PPM1F: variants seen among roughly 807,000 people sequenced by gnomAD.
PPM1F encodes protein phosphatase 1F.
PPM1F carries 17 observed loss-of-function variants against 35.5 expected under a neutral mutation model. The ratio of observed to expected loss-of-function variants is 0.48; its 90% CI spans 0.33 to 0.72. The LOEUF (loss-of-function observed/expected upper bound fraction) is 0.72. Among genes scored for constraint, PPM1F ranks in the 30% least tolerant of loss-of-function variants. PPM1F has a pLI of 0.02. For missense variants in PPM1F, 521 were observed against 613.0 expected (o/e 0.85, Z 1.59); for synonymous variants, 241 against 255.5 (o/e 0.94, Z 0.54).
At chr22:21,931,733 G>A (rs905048688) in intron 5 of PPM1F, among the ~76,000 whole-genome samples, 1 of 151,966 alleles carries the variant, frequency 6.6e-6, no homozygotes, top group African/African-American at 2.4e-5. Flanking sequence ...TCCCAGGCTG[G>A]TCTTGAACTC....
intron 1 of PPM1F, chr22:21,948,301 A>ACCCCCCCCCCCCC (rs57323653): frequency 3.4e-5 from 2 of 58,134 alleles, no homozygotes; most frequent in Non-Finnish European, 7.6e-5. Context: ...TGAGATCGCC[A>ACCCCCCCCCCCCC]CCCCCCCCCC....
chr22:21,946,069 C>T lies in PPM1F; in HGVS notation c.-21G>A. ...GACATGCCCAAAGCATCCCGGGGGC[C>T]TGCAGCTAGGCCAGGGCAAGAGGGT... On this transcript the variant is annotated 5_prime_UTR_variant, in exon 2 of 8. Transcript: ENST00000263212. 6.7e-7 allele frequency: 1 copy of T among 1,497,044 alleles called. No homozygotes were observed. The allele number at this position is 1,497,044 out of a possible 1,614,324, so 92.7% of individuals were successfully genotyped here.
At chr22:21,943,257 T>G (rs1465720353) in intron 2 of PPM1F, 1 of 152,192 alleles carries the variant, frequency 6.6e-6, no homozygotes, top group Non-Finnish European at 1.5e-5. Flanking sequence ...TGGGCACATG[T>G]GAGTGCGTGT....
At chr22:21,925,772 G>C in intron 6 of PPM1F, 110 bp from the exon 7 acceptor site, 1 of 808,574 alleles carries the variant, frequency 1.2e-6, no homozygotes, top group Non-Finnish European at 1.9e-6. Context: ...AGCATTCAAA[G>C]CCGCAGCACT....
chr22:21,922,452 G>A lies in PPM1F; in HGVS notation c.*640C>T, dbSNP rs1055844453. 2 of 152,400 alleles carry A rather than the reference G, an allele frequency of 1.3e-5. No homozygotes were observed. Among genetic ancestry groups the A allele is most frequent in the African/African-American group, 4.8e-5 (2 of 41,450 alleles). The allele number at this position is 152,400 out of a possible 1,614,324, so 9.4% of individuals were successfully genotyped here. ...GTGCGTCGCCGGTTCCGGGCTCAGGGAAGAGAGCAGCCCGGAAGGCCCTGG... is the reference window on the plus strand; with the variant it reads ...GTGCGTCGCCGGTTCCGGGCTCAGGAAAGAGAGCAGCCCGGAAGGCCCTGG... On this transcript the variant is annotated 3_prime_UTR_variant, in exon 8 of 8. Coordinates refer to ENST00000263212, the MANE Select transcript of PPM1F (RefSeq NM_014634.4).
At position 21,938,493 on chromosome 22, in the gene PPM1F, T is replaced by G. The variant is rs1000959516; in HGVS notation, c.355+1039A>C. The G allele has an allele frequency of 4.5e-6, 5 of 1,100,084 alleles. No homozygotes were observed. The East Asian group carries it at 2.9e-4, about 63-fold the overall frequency. 68.1% of individuals were successfully genotyped at this position (1,100,084 alleles called of 1,614,324 possible). ...CGGGCACCCACTGATGCTGGCGGCCTCGGGTATTCGCTTTCTCTCTCTTCT... is the reference window on the plus strand; with the variant it reads ...CGGGCACCCACTGATGCTGGCGGCCGCGGGTATTCGCTTTCTCTCTCTTCT... On this transcript the variant is annotated intron_variant, in intron 3 of 7. Transcript: ENST00000263212.
rs750484171 is a variant in PPM1F at position 21,923,240 on chromosome 22, ATGT to A, written c.1214_1216del (p.Asn405del). 1.1e-5 allele frequency: 18 copies of A among 1,613,200 alleles called. No homozygotes were observed. The highest frequency in any genetic ancestry group is 1.4e-5 in the Non-Finnish European group (17 of 1,179,874). ...CCTGAGGAAGACCACCATGACCGTG[ATGT>A]TGTCGTGGGAGCCCCGCTCCCGGGC... On this transcript the variant is annotated inframe_deletion, in exon 8 of 8. Coordinates refer to ENST00000263212, the MANE Select transcript of PPM1F (RefSeq NM_014634.4).
Position 21,933,592 on chromosome 22 carries a change from T to C in PPM1F, c.559-13A>G, listed in dbSNP as rs2027790. 653,465 of 1,597,820 alleles carry C rather than the reference T, an allele frequency of 0.41. 137,488 individuals carry two copies. Among genetic ancestry groups the C allele is most frequent in the Middle Eastern group, 0.5 (2,995 of 6,014 alleles). On this transcript the variant is annotated splice_polypyrimidine_tract_variant and intron_variant, in intron 4 of 7. Transcript: ENST00000263212. ...GGTTCACAGGGTCCTGGTGGGGATG[T>C]GGTGGGAGTCACAGACCCGCGGGAC...
chr22:21,925,736 A>C (rs2070506620), intron 6 of PPM1F, 74 bp from the exon 7 acceptor site: 4 of 1,247,106 alleles, frequency 3.2e-6, no homozygotes, highest in Non-Finnish European at 4.4e-6. Context: ...CTACCTGAGC[A>C]GAGGCACAGC....
At position 21,938,113 on chromosome 22, in the gene PPM1F, C is replaced by T. The variant is rs917847075; in HGVS notation, c.355+1419G>A. The stretch of plus-strand genomic sequence containing the variant: ...GGGGAAGCAAGGGCAGGCGAGACTT[C>T]CTTCTAGCTGCGCCCTCCCTCCTTC... On this transcript the variant is annotated intron_variant, in intron 3 of 7. Transcript: ENST00000263212. 143 of 1,298,466 alleles carry T rather than the reference C, an allele frequency of 1.1e-4. No individual in the cohort carries two copies. In the East Asian group the frequency reaches 1.2e-3, roughly 11 times the overall value. The allele number at this position is 1,298,466 out of a possible 1,614,324, so 80.4% of individuals were successfully genotyped here. A position where few individuals can be genotyped will look rare whatever the true frequency, so the allele number is the denominator to read the frequency against.
intron 3 of PPM1F, chr22:21,935,584 C>T (rs1433741763): frequency 6.6e-6 from 1 of 152,166 alleles, no homozygotes; most frequent in Admixed American, 6.5e-5. Flanking sequence ...TTAAAAAAAA[C>T]TAGCCCAGGC....
In PPM1F at chr22:21,923,230, C is replaced by T. The variant is rs2070468473; in HGVS notation, c.1227G>A (p.Met409Ile). The change falls in exon 8 of 8, where the codon ATG becomes ATA. Residue 409 changes from methionine (M) to isoleucine (I), a missense_variant. This residue lies in a region of PPM1F where 163 missense variants were observed against 169.6 expected (regional missense o/e 0.96). Coordinates refer to ENST00000263212, the MANE Select transcript of PPM1F (RefSeq NM_014634.4). ...ERGSHDNITV[M>I]VVFLRDPQEL... The stretch of plus-strand genomic sequence containing the variant: ...CTTGGGGGTCCCTGAGGAAGACCAC[C>T]ATGACCGTGATGTTGTCGTGGGAGC... 2 of 1,613,476 alleles carry T rather than the reference C, an allele frequency of 1.2e-6. No individual in the cohort carries two copies. The highest frequency in any genetic ancestry group is 1.3e-5 in the African/African-American group (1 of 74,904).
rs2070473117 is a variant in PPM1F at position 21,923,480 on chromosome 22, G to A, written c.986-9C>T. On this transcript the variant is annotated splice_polypyrimidine_tract_variant and intron_variant, in intron 7 of 7. Coordinates refer to ENST00000263212, the MANE Select transcript of PPM1F (RefSeq NM_014634.4). ...CTTCTGGAAGACATCCCCTGGACAGGCGGAGAAGAGCCCGGGTCAGAGGAC... is the reference window on the plus strand; with the variant it reads ...CTTCTGGAAGACATCCCCTGGACAGACGGAGAAGAGCCCGGGTCAGAGGAC... The A allele has an allele frequency of 6.3e-7, 1 of 1,590,014 alleles. No individual in the cohort carries two copies. Among genetic ancestry groups the A allele is most frequent in the Admixed American group, 1.7e-5 (1 of 58,810 alleles).
intron 1 of PPM1F, chr22:21,950,084 G>C (rs2070819369): frequency 6.6e-6 from 1 of 152,396 alleles, no homozygotes; most frequent in Non-Finnish European, 1.5e-5. Context: ...GTTCATGCTG[G>C]GGAACCTGGG....
chr22:21,929,280 C>T (rs576819091), intron 6 of PPM1F, among the ~76,000 whole-genome samples: 1 of 152,156 alleles, frequency 6.6e-6, no homozygotes, highest in Non-Finnish European at 1.5e-5. Context: ...GGCACTGGAT[C>T]TGAACTCCTT....
chr22:21,945,934 G>T lies in PPM1F; in HGVS notation c.115C>A (p.Pro39Thr). 1 of 1,613,020 alleles carries T rather than the reference G, an allele frequency of 6.2e-7. No homozygotes were observed. The highest frequency in any genetic ancestry group is 8.5e-7 in the Non-Finnish European group (1 of 1,179,522). The change falls in exon 2 of 8, where the codon CCT becomes ACT. Residue 39 changes from proline (P) to threonine (T), a missense_variant. Pro to Thr is a conservative substitution (Grantham distance 38). This residue lies in a region of PPM1F where 311 missense variants were observed against 351.5 expected (regional missense o/e 0.88). Transcript: ENST00000263212. Reference sequence around the variant, plus strand: ...GTCCCTGGGGCCTTCCATGGCAGAGGGTCCTCTGGGTTCAGCAGGGCTGGG... The same window carrying T: ...GTCCCTGGGGCCTTCCATGGCAGAGTGTCCTCTGGGTTCAGCAGGGCTGGG... ...DFPALLNPEDPLPWKAPGTVL... is the reference protein window; with the variant it reads ...DFPALLNPEDTLPWKAPGTVL...
chr22:21,943,005 G>A (rs1569131487), intron 2 of PPM1F: 1 of 152,276 alleles, frequency 6.6e-6, no homozygotes, highest in Non-Finnish European at 1.5e-5. Flanking sequence ...ATTAGTGTAC[G>A]GTATGCACTG....
chr22:21,931,672 C>T (rs552761581), intron 5 of PPM1F, among the ~76,000 whole-genome samples: 17 of 151,974 alleles, frequency 1.1e-4, no homozygotes, highest in Non-Finnish European at 1.9e-4. Context: ...AGCACCACGC[C>T]TGGCTAATTT....
chr22:21,930,837 G>A (rs915144135), intron 6 of PPM1F, among the ~76,000 whole-genome samples: 5 of 152,312 alleles, frequency 3.3e-5, no homozygotes, highest in Middle Eastern at 3.4e-3. Flanking sequence ...CACAGCCTGT[G>A]GCCTCCTTGT....
Sources: allele counts gnomAD v4.1 joint callset (sites outside exome capture counted in the v4.1 genomes callset), GRCh38; gene constraint gnomAD v4.1.1; regional missense constraint gnomAD v4.1.1; transcripts MANE v1.5; gene names NCBI Gene and HGNC (gene_info 2026-07-23, HGNC 2026-07-21).